Variants in NUP98 observed in about 807,000 individuals in gnomAD.
The protein encoded by NUP98 is nucleoporin 98 and 96 precursor.
NUP98 carries 26 observed loss-of-function variants against 191.9 expected under a neutral mutation model. The observed-to-expected ratio is 0.14, with a 90% confidence interval of 0.10 to 0.19. The LOEUF (loss-of-function observed/expected upper bound fraction) is 0.19. Among genes scored for constraint, NUP98 ranks in the 10% least tolerant of loss-of-function variants. The pLI is 1.00. For missense variants in NUP98, 1,941 were observed against 2,178.8 expected (o/e 0.89, Z 2.17); for synonymous variants, 808 against 778.4 (o/e 1.04, Z -0.63).
rs1305642139 is a variant in NUP98, at chr11:3,797,545, G to A, written c.-174C>T. The A allele has an allele frequency of 1.9e-5, 9 of 479,466 alleles. 1 individual carries two copies. Among genetic ancestry groups the A allele is most frequent in the South Asian group, 1.0e-4 (3 of 28,640 alleles). 29.7% of individuals were successfully genotyped at this position (479,466 alleles called of 1,614,324 possible). ...CCGCTTCGGGCGCAGCGCGCAGAGG[G>A]CCCGACTGCGTCACACGCCGCCCGG... On this transcript the variant is annotated 5_prime_UTR_variant, in exon 1 of 33. Coordinates refer to ENST00000324932, the MANE Select transcript of NUP98 (RefSeq NM_016320.5).
rs2082307595 is a variant in NUP98 at position 3,790,810 on chromosome 11, T to G, written c.-29+6590A>C. On this transcript the variant is annotated intron_variant, in intron 1 of 32. Coordinates refer to ENST00000324932, the MANE Select transcript of NUP98 (RefSeq NM_016320.5). ...GAAATACTCAAAAACTTCTGCTTACTGAAATACAAAGGATATCAAGGGGCA... is the reference window on the plus strand; with the variant it reads ...GAAATACTCAAAAACTTCTGCTTACGGAAATACAAAGGATATCAAGGGGCA... 2.0e-5 allele frequency among the ~76,000 whole-genome samples: 3 copies of G among 152,216 alleles called. No individual in the cohort carries two copies. In the South Asian group the frequency reaches 6.2e-4, roughly 32 times the overall value.
chr11:3,784,158 T>C (rs1391245955), intron 1 of NUP98, among the ~76,000 whole-genome samples: 3 of 152,238 alleles, frequency 2.0e-5, no homozygotes, highest in East Asian at 1.9e-4. Flanking sequence ...GCCGTGTTCA[T>C]ATAATAGAAT....
Position 3,775,930 on chromosome 11 carries a change from C to A in NUP98, c.447G>T (p.Gly149=). The A allele has an allele frequency of 6.2e-7, 1 of 1,613,644 alleles. No individual in the cohort carries two copies. Among genetic ancestry groups the A allele is most frequent in the South Asian group, 1.1e-5 (1 of 91,056 alleles). Residue 149 remains glycine (G), a synonymous_variant, in exon 5 of 33, where the codon GGG becomes GGT. Coordinates refer to ENST00000324932, the MANE Select transcript of NUP98 (RefSeq NM_016320.5). ...TAGGAGCAGCTGTAAAACTACTTGGCCCAAAGAGGGAGCCAGATGTGCTGC... is the reference window on the plus strand; with the variant it reads ...TAGGAGCAGCTGTAAAACTACTTGGACCAAAGAGGGAGCCAGATGTGCTGC... ...PFGSTSGSLF[G]PSSFTAAPTG...
chr11:3,738,099 A>AC (rs2080141063), intron 12 of NUP98, among the ~76,000 whole-genome samples: 1 of 150,500 alleles, frequency 6.6e-6, no homozygotes, highest in Non-Finnish European at 1.5e-5. Flanking sequence ...AAAAAAAAAA[A>AC]AAAAAAAACC....
chr11:3,749,560 G>T (rs999813493), intron 11 of NUP98, among the ~76,000 whole-genome samples: 9 of 152,146 alleles, frequency 5.9e-5, no homozygotes, highest in Non-Finnish European at 8.8e-5. Flanking sequence ...AGGAGGCGGA[G>T]GTTGCCATGA....
intron 4 of NUP98, among the ~76,000 whole-genome samples, chr11:3,776,482 A>G (rs1037798482): frequency 7.0e-6 from 1 of 142,726 alleles, no homozygotes; most frequent in African/African-American, 2.7e-5. Context: ...TCAAATAGAA[A>G]TTTCTTTTTT....
intron 12 of NUP98, among the ~76,000 whole-genome samples, chr11:3,740,381 T>C (rs1434001041): frequency 1.3e-5 from 2 of 151,820 alleles, no homozygotes; most frequent in African/African-American, 2.4e-5. Flanking sequence ...CGTGGTGACA[T>C]GGGCCTGCAA....
At chr11:3,795,518 C>G (rs1400615701) in intron 1 of NUP98, among the ~76,000 whole-genome samples, 3 of 152,132 alleles carry the variant, frequency 2.0e-5, no homozygotes, top group Non-Finnish European at 2.9e-5. Flanking sequence ...ACTATCTTAT[C>G]TGGGCCCCAT....
At chr11:3,761,414 C>T (rs184087618) in intron 9 of NUP98, among the ~76,000 whole-genome samples, 1 of 152,082 alleles carries the variant, frequency 6.6e-6, no homozygotes, top group East Asian at 1.9e-4. Context: ...ATCCTTGAGG[C>T]CAGGAGTTAC....
At position 3,699,239 on chromosome 11, in the gene NUP98, C is replaced by T; in HGVS notation, c.3852G>A (p.Glu1284=). 1 of 1,614,188 alleles carries T rather than the reference C, an allele frequency of 6.2e-7. No homozygotes were observed. Among genetic ancestry groups the T allele is most frequent in the Non-Finnish European group, 8.5e-7 (1 of 1,180,036 alleles). The change falls in exon 25 of 33, where the codon GAG becomes GAA. Residue 1284 remains glutamate, a synonymous_variant. Coordinates refer to ENST00000324932, the MANE Select transcript of NUP98 (RefSeq NM_016320.5). ...NEPREYIQIL[E]RRRAFSRWLS... ...GCCAGCGGGAGAAAGCTCTTCTTCG[C>T]TCCAGAATTTGAATGTATTCACGGG...
chr11:3,703,216 C>CT (rs1310254994), intron 22 of NUP98, among the ~76,000 whole-genome samples: 1,780 of 139,114 alleles, frequency 0.013, 20 homozygotes, highest in African/African-American at 0.034. Flanking sequence ...TCTTCAAAAA[C>CT]TTTTTTTTTT....
At chr11:3,781,937 T>C (rs188359577) in intron 2 of NUP98, 105 bp downstream of exon 2, 40 of 624,644 alleles carry the variant, frequency 6.4e-5, no homozygotes, top group African/African-American at 6.2e-4. Context: ...TTGTTATAAA[T>C]ATGAAAGTAA....
At position 3,773,749 on chromosome 11, in the gene NUP98, T is replaced by C; in HGVS notation, c.496-10A>G. 6.4e-7 allele frequency: 1 copy of C among 1,566,032 alleles called. No individual in the cohort carries two copies. ...CTGTACCAGTTGGAGGCTGCAAAGT[T>C]AAATAAAGGCAAATTTGTAGGTCCA... is the stretch of plus-strand genomic sequence containing the variant. On this transcript the variant is annotated splice_polypyrimidine_tract_variant and intron_variant, in intron 5 of 32. Coordinates refer to ENST00000324932, the MANE Select transcript of NUP98 (RefSeq NM_016320.5).
intron 25 of NUP98, among the ~76,000 whole-genome samples, chr11:3,696,212 G>A (rs2078499410): frequency 1.3e-5 from 2 of 151,788 alleles, no homozygotes; most frequent in East Asian, 3.9e-4. Flanking sequence ...AGGAAAAATG[G>A]AGGAAAACAC....
intron 11 of NUP98, 23 bp from the exon 12 acceptor site, chr11:3,744,672 A>G (rs1190909208): frequency 1.9e-6 from 3 of 1,587,766 alleles, no homozygotes; most frequent in Non-Finnish European, 2.6e-6. Flanking sequence ...GAGGAAAGAA[A>G]AAAGCACCAC....
Position 3,675,786 on chromosome 11 carries a change from C to T in NUP98, c.*373G>A. The T allele has an allele frequency of 2.8e-6, 1 of 359,968 alleles. No individual in the cohort carries two copies. The highest frequency in any genetic ancestry group is 5.1e-6 in the Non-Finnish European group (1 of 194,802). The allele number at this position is 359,968 out of a possible 1,614,324, so 22.3% of individuals were successfully genotyped here. A position where few individuals can be genotyped will look rare whatever the true frequency, so the allele number is the denominator to read the frequency against. On this transcript the variant is annotated 3_prime_UTR_variant, in exon 33 of 33. Coordinates refer to ENST00000324932, the MANE Select transcript of NUP98 (RefSeq NM_016320.5). ...CTAAGGAGTCCTAGTATAAAAGGGCCAGGGTAGGAGTAGGGAAGCTGGTTG... is the reference window on the plus strand; with the variant it reads ...CTAAGGAGTCCTAGTATAAAAGGGCTAGGGTAGGAGTAGGGAAGCTGGTTG...
intron 20 of NUP98, 169 bp downstream of exon 20, chr11:3,712,395 A>T: frequency 7.1e-7 from 1 of 1,404,974 alleles, no homozygotes. Context: ...AAAAAGACAG[A>T]TGCCTGCAAG....
In NUP98 at chr11:3,747,436, A is replaced by G. The variant is rs370075059; in HGVS notation, c.1268-2787T>C. ...AGAACAAAGGTTTATTATTATTACTAAATAACCAAGGCAGTGGTGTGCAAT... is the reference window on the plus strand; with the variant it reads ...AGAACAAAGGTTTATTATTATTACTGAATAACCAAGGCAGTGGTGTGCAAT... On this transcript the variant is annotated intron_variant, in intron 11 of 32. Coordinates refer to ENST00000324932, the MANE Select transcript of NUP98 (RefSeq NM_016320.5). Among the ~76,000 whole-genome samples the G allele has an allele frequency of 2.7e-3, 418 of 152,310 alleles. 3 individuals are homozygous for G. The highest frequency in any genetic ancestry group is 9.2e-3 in the African/African-American group (381 of 41,562).
intron 31 of NUP98, among the ~76,000 whole-genome samples, chr11:3,676,999 T>TC (rs1440072956): frequency 6.6e-6 from 1 of 152,206 alleles, no homozygotes; most frequent in African/African-American, 2.4e-5. Flanking sequence ...GTCCCCTGAC[T>TC]CCAAGTTTAT....
Sources: allele counts gnomAD v4.1 joint callset (sites outside exome capture counted in the v4.1 genomes callset), GRCh38; gene constraint gnomAD v4.1.1; transcripts MANE v1.5; gene names NCBI Gene and HGNC (gene_info 2026-07-23, HGNC 2026-07-21).